The following ZDHHC2 variants were observed in gnomAD, a reference collection of about 807,000 sequenced individuals.
ZDHHC2 encodes the protein zDHHC palmitoyltransferase 2.
ZDHHC2 carries 51 observed loss-of-function variants against 55.6 expected under a neutral mutation model. The ratio of observed to expected loss-of-function variants is 0.92; its 90% CI spans 0.73 to 1.16. The LOEUF (loss-of-function observed/expected upper bound fraction) is 1.16. Ranked by LOEUF, ZDHHC2 falls within the 50% of genes most tolerant of loss-of-function variation. ZDHHC2 has a pLI of 0.00. For synonymous variants in ZDHHC2, 199 were observed against 152.9 expected, an observed-to-expected ratio of 1.30 and a Z score of -2.22; for missense variants, 491 against 442.4, an observed-to-expected ratio of 1.11 and a Z score of -0.99.
intron 1 of ZDHHC2, among the ~76,000 whole-genome samples, chr8:17,163,570 A>G (rs1032220463): frequency 5.3e-5 from 8 of 152,136 alleles, no homozygotes; most frequent in African/African-American, 1.9e-4. Context: ...ATAGAGCTAT[A>G]CTTACATTTC....
At position 17,221,143 on chromosome 8, in the gene ZDHHC2, A is replaced by G. The variant is rs907768176; in HGVS notation, c.*922A>G. 5.9e-5 allele frequency: 9 copies of G among 152,664 alleles called. No individual in the cohort carries two copies. The East Asian group carries it at 9.6e-4, about 16-fold the overall frequency. The allele number at this position is 152,664 out of a possible 1,614,324, so 9.5% of individuals were successfully genotyped here. On this transcript the variant is annotated 3_prime_UTR_variant, in exon 13 of 13. Transcript: ENST00000262096. The stretch of plus-strand genomic sequence containing the variant: ...ATAGATTTACCCTCCAGTGATATCT[A>G]TATTATTTCTTTCTCGTCTCATCAA...
At chr8:17,162,644 A>C (rs1401457566) in intron 1 of ZDHHC2, among the ~76,000 whole-genome samples, 1 of 152,214 alleles carries the variant, frequency 6.6e-6, no homozygotes, top group Non-Finnish European at 1.5e-5. Context: ...ATAACTTCAT[A>C]GAGATCTTTT....
intron 1 of ZDHHC2, among the ~76,000 whole-genome samples, chr8:17,168,705 C>G (rs1340077590): frequency 6.6e-6 from 1 of 152,050 alleles, no homozygotes; most frequent in Non-Finnish European, 1.5e-5. Context: ...CTCCGTGAGT[C>G]CAACTGTCCA....
chr8:17,213,618 G>A (rs746235480), intron 10 of ZDHHC2, among the ~76,000 whole-genome samples: 98 of 152,176 alleles, frequency 6.4e-4, no homozygotes, highest in Admixed American at 1.6e-3. Flanking sequence ...TGTATATATT[G>A]TTTATTTCTC....
intron 3 of ZDHHC2, among the ~76,000 whole-genome samples, chr8:17,193,431 G>A (rs1410655761): frequency 6.6e-6 from 1 of 152,214 alleles, no homozygotes; most frequent in Non-Finnish European, 1.5e-5. Flanking sequence ...GCTGGTGGAG[G>A]GGTGACATGG....
chr8:17,190,750 T>TG (rs1805981573), intron 3 of ZDHHC2, among the ~76,000 whole-genome samples: 1 of 152,058 alleles, frequency 6.6e-6, no homozygotes, highest in Non-Finnish European at 1.5e-5. Context: ...TATATATTTA[T>TG]GGGGTACCTG....
chr8:17,203,046 C>G (rs559634945), intron 6 of ZDHHC2, among the ~76,000 whole-genome samples: 3 of 147,198 alleles, frequency 2.0e-5, no homozygotes, highest in Middle Eastern at 3.5e-3. Context: ...ATTATTTACA[C>G]CCATGTTGTC....
chr8:17,156,914 G>A (rs181813734), intron 1 of ZDHHC2, 61 bp downstream of exon 1: 285 of 1,418,044 alleles, frequency 2.0e-4, no homozygotes, highest in Non-Finnish European at 2.5e-4. Context: ...ACTGTCCCGG[G>A]ACGCTCAGCC....
intron 1 of ZDHHC2, among the ~76,000 whole-genome samples, chr8:17,172,416 A>G (rs7833805): frequency 0.035 from 5,376 of 152,254 alleles, 316 homozygotes; most frequent in African/African-American, 0.12. Flanking sequence ...GGTGGTTGCC[A>G]GGGGCTGAAG....
At chr8:17,157,123 C>A (rs1011078911) in intron 1 of ZDHHC2, among the ~76,000 whole-genome samples, 1 of 152,124 alleles carries the variant, frequency 6.6e-6, no homozygotes, top group African/African-American at 2.4e-5. Flanking sequence ...CGCTCACCGC[C>A]GCCGCCTCGG....
In ZDHHC2 at chr8:17,195,570, G is replaced by A. The variant is rs1187158867; in HGVS notation, c.319G>A (p.Val107Ile). ...REPRGEAHQE[V>I]LRRAAKDLPI... Reference sequence around the variant, plus strand: ...GCCAAGAGGAGAAGCCCATCAGGAAGTTCTTAGGCGAGCAGCCAAGGATCT... The same window carrying A: ...GCCAAGAGGAGAAGCCCATCAGGAAATTCTTAGGCGAGCAGCCAAGGATCT... Residue 107 changes from valine to isoleucine, a missense_variant, in exon 4 of 13, where the codon GTT becomes ATT. Coordinates refer to ENST00000262096, the MANE Select transcript of ZDHHC2 (RefSeq NM_016353.5). 6 of 1,613,978 alleles carry A rather than the reference G, an allele frequency of 3.7e-6. No homozygotes were observed. The highest frequency in any genetic ancestry group is 4.2e-6 in the Non-Finnish European group (5 of 1,179,848).
chr8:17,184,097 G>T (rs1047824726), intron 1 of ZDHHC2, among the ~76,000 whole-genome samples: 6 of 152,154 alleles, frequency 3.9e-5, no homozygotes, highest in African/African-American at 1.4e-4. Flanking sequence ...GAGACCAAAT[G>T]GGAAAACAAA....
At chr8:17,212,303 T>C (rs1807425328) in intron 10 of ZDHHC2, among the ~76,000 whole-genome samples, 1 of 152,104 alleles carries the variant, frequency 6.6e-6, no homozygotes, top group South Asian at 2.1e-4. Flanking sequence ...CTAAAAATCA[T>C]CTCCAACTAA....
intron 12 of ZDHHC2, among the ~76,000 whole-genome samples, chr8:17,218,331 T>C (rs953558887): frequency 6.6e-6 from 1 of 152,190 alleles, no homozygotes; most frequent in Non-Finnish European, 1.5e-5. Flanking sequence ...TATGAGTCAC[T>C]ACCAGCCAAT....
intron 3 of ZDHHC2, 58 bp from the exon 4 acceptor site, chr8:17,195,446 G>C: frequency 2.6e-6 from 4 of 1,540,824 alleles, no homozygotes; most frequent in Middle Eastern, 3.4e-4. Flanking sequence ...TGGTAGAGAA[G>C]ACCAATATGT....
chr8:17,210,068 T>C lies in ZDHHC2; in HGVS notation c.857+10T>C. On this transcript the variant is annotated intron_variant, in intron 9 of 12. Coordinates refer to ENST00000262096, the MANE Select transcript of ZDHHC2 (RefSeq NM_016353.5). ...TACCCATTTTTTCAAGGTACTTCTT[T>C]GTTAAAATTTTCAGGCTTTAAACTA... The C allele has an allele frequency of 6.3e-7, 1 of 1,582,192 alleles. No homozygotes were observed. The highest frequency in any genetic ancestry group is 8.6e-7 in the Non-Finnish European group (1 of 1,163,476).
At chr8:17,208,339 G>C (rs1807208417) in intron 8 of ZDHHC2, among the ~76,000 whole-genome samples, 2 of 149,552 alleles carry the variant, frequency 1.3e-5, no homozygotes, top group Admixed American at 1.3e-4. Flanking sequence ...TAGATATATA[G>C]ATATAGTGGC....
intron 1 of ZDHHC2, among the ~76,000 whole-genome samples, chr8:17,178,987 G>T (rs759862439): frequency 2.0e-5 from 3 of 152,104 alleles, no homozygotes; most frequent in Non-Finnish European, 4.4e-5. Flanking sequence ...GTCACGCTCT[G>T]TTGCCCAGGC....
intron 1 of ZDHHC2, among the ~76,000 whole-genome samples, chr8:17,168,681 A>G (rs890029119): frequency 4.0e-5 from 6 of 151,566 alleles, no homozygotes; most frequent in African/African-American, 7.3e-5. Flanking sequence ...GGCAGCCACC[A>G]TTCTACTTTC....
Sources: gnomAD v4.1 joint callset for allele counts (sites outside exome capture counted in the v4.1 genomes callset) on GRCh38, gnomAD v4.1.1 for gene constraint, MANE v1.5 for transcripts, NCBI Gene and HGNC (gene_info 2026-07-23, HGNC 2026-07-21) for gene names.